Variants in USP34 observed in about 807,000 individuals in gnomAD.
USP34 encodes ubiquitin specific peptidase 34.
A neutral mutation model predicts 460.3 loss-of-function variants in USP34; 70 were observed. The observed-to-expected ratio is 0.15, with a 90% CI of 0.13 to 0.19. The LOEUF (loss-of-function observed/expected upper bound fraction) is 0.19, where lower values mean the gene tolerates loss of function less well. Ranked by LOEUF, USP34 falls within the 10% of genes least tolerant of loss-of-function variation. The pLI is 1.00. For missense variants in USP34, 3,985 were observed against 4,236.2 expected (o/e 0.94, Z 1.65); for synonymous variants, 1,647 against 1,405.3 (o/e 1.17, Z -3.85).
intron 10 of USP34, among the ~76,000 whole-genome samples, chr2:61,364,812 C>T (rs1449265338): frequency 6.6e-6 from 1 of 152,008 alleles, no homozygotes; most frequent in Non-Finnish European, 1.5e-5. Flanking sequence ...CGTCTGTAAT[C>T]CCAGCTACTC....
At chr2:61,271,065 T>C (rs1415845273) in intron 41 of USP34, among the ~76,000 whole-genome samples, 2 of 151,982 alleles carry the variant, frequency 1.3e-5, no homozygotes, top group African/African-American at 4.8e-5. Flanking sequence ...GGGCGGATCA[T>C]CTGAGGTCAG....
At chr2:61,329,008 T>C (rs1015061781) in intron 20 of USP34, among the ~76,000 whole-genome samples, 1 of 152,104 alleles carries the variant, frequency 6.6e-6, no homozygotes, top group African/African-American at 2.4e-5. Flanking sequence ...TGCTCTTTGT[T>C]GATCCTATGA....
At chr2:61,356,511 A>G (rs1268822123) in intron 10 of USP34, among the ~76,000 whole-genome samples, 1 of 152,020 alleles carries the variant, frequency 6.6e-6, no homozygotes, top group Admixed American at 6.6e-5. Context: ...ACACACACAC[A>G]CTGCAATACT....
At chr2:61,411,492 C>T (rs1343335730) in intron 2 of USP34, among the ~76,000 whole-genome samples, 3 of 152,042 alleles carry the variant, frequency 2.0e-5, no homozygotes, top group Non-Finnish European at 4.4e-5. Flanking sequence ...ACCAGACTAA[C>T]ATATCTCAAA....
At chr2:61,397,525 G>T (rs1693572935) in intron 3 of USP34, among the ~76,000 whole-genome samples, 1 of 152,114 alleles carries the variant, frequency 6.6e-6, no homozygotes, top group Non-Finnish European at 1.5e-5. Flanking sequence ...CAGCACTTTG[G>T]GAGGCCAAGG....
intron 10 of USP34, among the ~76,000 whole-genome samples, chr2:61,366,043 A>G (rs1692429584): frequency 6.6e-6 from 1 of 152,134 alleles, no homozygotes; most frequent in Non-Finnish European, 1.5e-5. Context: ...CCTCTGCCTC[A>G]GCCTCCTGAG....
rs539210744 is a variant in USP34, at chr2:61,445,459, C to A, written c.44-24626G>T. ...CTGAGGCAGGAGAATGGCATGAACC[C>A]GGGAGGCAGAGTTTGCAGTGAGCCG... On this transcript the variant is annotated intron_variant, in intron 1 of 79. Coordinates refer to ENST00000398571, the MANE Select transcript of USP34 (RefSeq NM_014709.4). 2.9e-3 allele frequency among the ~76,000 whole-genome samples: 435 copies of A among 149,270 alleles called. 2 individuals are homozygous for A. Among genetic ancestry groups the A allele is most frequent in the African/African-American group, 0.01 (412 of 40,438 alleles).
intron 32 of USP34, among the ~76,000 whole-genome samples, chr2:61,294,443 T>A (rs1379463411): frequency 9.2e-5 from 14 of 152,048 alleles, no homozygotes; most frequent in Admixed American, 9.2e-4. Flanking sequence ...GTCCTCACAG[T>A]ATCTTTTTTT....
At chr2:61,414,698 T>A (rs1694144096) in intron 2 of USP34, among the ~76,000 whole-genome samples, 1 of 152,152 alleles carries the variant, frequency 6.6e-6, no homozygotes, top group Non-Finnish European at 1.5e-5. Context: ...AAAATGAAAG[T>A]ATATTCCACA....
intron 16 of USP34, among the ~76,000 whole-genome samples, chr2:61,341,446 A>G (rs1388125145): frequency 6.6e-6 from 1 of 152,200 alleles, no homozygotes; most frequent in Non-Finnish European, 1.5e-5. Flanking sequence ...AGGTGAGTCT[A>G]GTAGAAGGCG....
intron 19 of USP34, among the ~76,000 whole-genome samples, chr2:61,332,211 A>T (rs1484194388): frequency 1.3e-5 from 2 of 152,078 alleles, no homozygotes; most frequent in South Asian, 2.1e-4. Context: ...GTAAGTTTCC[A>T]ATTTTAAACT....
chr2:61,350,330 C>T lies in USP34; in HGVS notation c.1437G>A (p.Lys479=), dbSNP rs1186753124. Residue 479 remains lysine (K), a synonymous_variant, in exon 12 of 80, where the codon AAG becomes AAA. Coordinates refer to ENST00000398571, the MANE Select transcript of USP34 (RefSeq NM_014709.4). The stretch of plus-strand genomic sequence containing the variant: ...AAGAACTCTGTTTAGATAACTGAGC[C>T]TTAGCTGCTAGTGCGTTATTCCACA... The part of the protein sequence containing the change: ...KALWNNALAA[K]AQLSKQSSFA... 1 of 1,613,562 alleles carries T rather than the reference C, an allele frequency of 6.2e-7. No homozygotes were observed. The highest frequency in any genetic ancestry group is 2.2e-5 in the East Asian group (1 of 44,814).
intron 41 of USP34, among the ~76,000 whole-genome samples, chr2:61,270,171 G>C (rs548144771): frequency 2.0e-5 from 3 of 152,312 alleles, no homozygotes; most frequent in African/African-American, 7.2e-5. Flanking sequence ...TAGAAGGTGG[G>C]ACCTTTGGAA....
chr2:61,461,349 C>CAT, intron 1 of USP34, among the ~76,000 whole-genome samples: 1 of 151,288 alleles, frequency 6.6e-6, no homozygotes, highest in East Asian at 1.9e-4. Context: ...GCCGAGATGG[C>CAT]ACCATTGCAC....
intron 1 of USP34, among the ~76,000 whole-genome samples, chr2:61,460,416 T>C (rs1573067330): frequency 6.6e-6 from 1 of 152,168 alleles, no homozygotes; most frequent in Non-Finnish European, 1.5e-5. Flanking sequence ...TACACAATGC[T>C]TGTATTCAAG....
intron 76 of USP34, among the ~76,000 whole-genome samples, chr2:61,192,317 T>A (rs146897383): frequency 2.1e-3 from 318 of 152,374 alleles, no homozygotes; most frequent in African/African-American, 7.2e-3. Context: ...CCTCCTCCTC[T>A]TCCCAATTCT....
Position 61,187,540 on chromosome 2 carries a change from CAAT to C in USP34, c.*559_*561del. The C allele has an allele frequency of 2.0e-6, 2 of 975,778 alleles. No individual in the cohort carries two copies. The highest frequency in any genetic ancestry group is 2.4e-6 in the Non-Finnish European group (2 of 820,798). 60.4% of individuals were successfully genotyped at this position (975,778 alleles called of 1,614,324 possible). A position where few individuals can be genotyped will look rare whatever the true frequency, so the allele number is the denominator to read the frequency against. On this transcript the variant is annotated 3_prime_UTR_variant, in exon 80 of 80. Coordinates refer to ENST00000398571, the MANE Select transcript of USP34 (RefSeq NM_014709.4). ...ATCAGTCATGTCAATAAAAATAAAA[CAAT>C]TATTTTTACATCAAGTGTGCTTTAT...
At chr2:61,208,863 G>C (rs370052107) in intron 70 of USP34, 36 bp downstream of exon 70, 7 of 1,442,246 alleles carry the variant, frequency 4.9e-6, no homozygotes, top group Non-Finnish European at 5.7e-6. Context: ...ATTAAAATGA[G>C]ATAATATCCA....
Position 61,266,112 on chromosome 2 carries a change from C to G in USP34, c.5489G>C (p.Arg1830Pro). ...LLFLLPSLKD[R>P]QQPKCKSHSS... is the part of the protein sequence containing the mutation. ...ATGTGATTTGCACTTTGGCTGTTGTCGGTCCTTTAGACTTGGCAACAAAAA... is the reference window on the plus strand; with the variant it reads ...ATGTGATTTGCACTTTGGCTGTTGTGGGTCCTTTAGACTTGGCAACAAAAA... Residue 1830 changes from arginine to proline, a missense_variant, in exon 42 of 80, where the codon CGA becomes CCA. This residue lies in a region of USP34 where 1,114 missense variants were observed against 1,122.5 expected (regional missense o/e 0.99). Coordinates refer to ENST00000398571, the MANE Select transcript of USP34 (RefSeq NM_014709.4). 1 of 1,613,786 alleles carries G rather than the reference C, an allele frequency of 6.2e-7. No individual in the cohort carries two copies. Among genetic ancestry groups the G allele is most frequent in the Non-Finnish European group, 8.5e-7 (1 of 1,179,792 alleles).
Sources: allele counts gnomAD v4.1 joint callset (sites outside exome capture counted in the v4.1 genomes callset), GRCh38; gene constraint gnomAD v4.1.1; regional missense constraint gnomAD v4.1.1; transcripts MANE v1.5; gene names NCBI Gene and HGNC (gene_info 2026-07-23, HGNC 2026-07-21).